NEK10: variants seen among roughly 807,000 people sequenced by gnomAD.
NEK10 encodes the protein NIMA related kinase 10.
A neutral mutation model predicts 159.8 loss-of-function variants in NEK10; 122 were observed. The observed-to-expected ratio is 0.76, with a 90% CI of 0.66 to 0.89. NEK10 has a LOEUF of 0.89. Among genes scored for constraint, NEK10 ranks in the 40% least tolerant of loss-of-function variants. The pLI, the probability that NEK10 is intolerant of heterozygous loss-of-function variation, is 0.00. For missense variants in NEK10, 1,342 were observed against 1,323.1 expected, an observed-to-expected ratio of 1.01 and a Z score of -0.22; for synonymous variants, 466 against 457.1, an observed-to-expected ratio of 1.02 and a Z score of -0.25.
intron 23 of NEK10, among the ~76,000 whole-genome samples, chr3:27,240,514 C>A (rs1290119998): frequency 6.6e-6 from 1 of 152,190 alleles, no homozygotes; most frequent in Non-Finnish European, 1.5e-5. Flanking sequence ...TGTATTCCTG[C>A]TCCTTAACAG....
At chr3:27,119,664 T>TA (rs887781167) in intron 33 of NEK10, 96 bp downstream of exon 33, 1,610 of 909,532 alleles carry the variant, frequency 1.8e-3, no homozygotes, top group South Asian at 2.3e-3. Context: ...AAGCTCTATT[T>TA]AAAAAAAAAT....
At chr3:27,210,623 G>A (rs1006711995) in intron 23 of NEK10, among the ~76,000 whole-genome samples, 6 of 152,106 alleles carry the variant, frequency 3.9e-5, no homozygotes, top group Non-Finnish European at 7.4e-5. Flanking sequence ...CTTCTGGATG[G>A]TATAAAACTT....
intron 23 of NEK10, among the ~76,000 whole-genome samples, chr3:27,207,627 T>C (rs1950636883): frequency 2.0e-5 from 3 of 152,114 alleles, no homozygotes; most frequent in South Asian, 4.1e-4. Context: ...TTTGCTTCAC[T>C]AGGTAAAGAG....
Position 27,344,349 on chromosome 3 carries a change from T to C in NEK10, c.285A>G (p.Arg95=), listed in dbSNP as rs776409506. 1.3e-6 allele frequency: 2 copies of C among 1,581,852 alleles called. No homozygotes were observed. Among genetic ancestry groups the C allele is most frequent in the African/African-American group, 2.7e-5 (2 of 74,604 alleles). Residue 95 remains arginine (R), a synonymous_variant, in exon 5 of 36, where the codon AGA becomes AGG. Coordinates refer to ENST00000691995, the MANE Select transcript of NEK10 (RefSeq NM_001394966.1). ...ENFSINYKNE[R]NFSKHPQRKL... ...TACGCTGAGGATGTTTGCTGAAATT[T>C]CTCTCATTCTTGTAGTTTATACTGA...
intron 29 of NEK10, among the ~76,000 whole-genome samples, chr3:27,167,349 A>G (rs969953172): frequency 6.6e-6 from 1 of 152,196 alleles, no homozygotes; most frequent in Non-Finnish European, 1.5e-5. Context: ...TGGAGAATGC[A>G]AAGATGAATT....
At chr3:27,260,886 C>A (rs1424931685) in intron 22 of NEK10, among the ~76,000 whole-genome samples, 1 of 152,078 alleles carries the variant, frequency 6.6e-6, no homozygotes, top group Non-Finnish European at 1.5e-5. Context: ...TTGATTATTG[C>A]CTCAATTTCA....
intron 3 of NEK10, among the ~76,000 whole-genome samples, chr3:27,349,540 T>C (rs1057491288): frequency 6.6e-6 from 1 of 152,196 alleles, no homozygotes; most frequent in African/African-American, 2.4e-5. Flanking sequence ...ATACGTGTTC[T>C]TTCTACAGCA....
intron 22 of NEK10, among the ~76,000 whole-genome samples, chr3:27,267,716 C>T (rs1291097276): frequency 6.6e-6 from 1 of 152,152 alleles, no homozygotes; most frequent in Non-Finnish European, 1.5e-5. Context: ...TCCTTATCCC[C>T]CTAGACACAA....
chr3:27,307,482 T>G (rs2149573023), intron 11 of NEK10, among the ~76,000 whole-genome samples: 1 of 152,338 alleles, frequency 6.6e-6, no homozygotes, highest in East Asian at 1.9e-4. Context: ...CTTGCCTTCA[T>G]GCAAATGGAT....
chr3:27,191,917 T>C (rs559672411), intron 26 of NEK10, 112 bp downstream of exon 26: 12 of 796,586 alleles, frequency 1.5e-5, no homozygotes, highest in Admixed American at 4.4e-5. Context: ...TACTGCAATA[T>C]TGCATGTAAC....
chr3:27,202,648 T>A, intron 23 of NEK10, 91 bp from the exon 24 acceptor site: 1 of 1,364,602 alleles, frequency 7.3e-7, no homozygotes. Flanking sequence ...AGTTATTTTT[T>A]AAGTATCTGA....
chr3:27,238,430 G>T (rs1954184624), intron 23 of NEK10, among the ~76,000 whole-genome samples: 1 of 152,076 alleles, frequency 6.6e-6, no homozygotes, highest in South Asian at 2.1e-4. Context: ...TTTCTGCAGA[G>T]AATATACTGA....
intron 25 of NEK10, among the ~76,000 whole-genome samples, chr3:27,193,079 G>A (rs1375793119): frequency 6.6e-6 from 1 of 152,122 alleles, no homozygotes; most frequent in Non-Finnish European, 1.5e-5. Context: ...GTTTGAACGA[G>A]GTAATCTCTG....
intron 14 of NEK10, among the ~76,000 whole-genome samples, chr3:27,296,527 C>A (rs2043365762): frequency 6.6e-6 from 1 of 152,092 alleles, no homozygotes. Context: ...ATGTACGGAT[C>A]TTGAAGTTGG....
intron 22 of NEK10, among the ~76,000 whole-genome samples, chr3:27,266,494 C>T (rs564395265): frequency 2.0e-5 from 3 of 152,326 alleles, no homozygotes; most frequent in Admixed American, 2.0e-4. Context: ...AAAACTTTCA[C>T]TTAAGTGTCT....
At chr3:27,309,061 T>C (rs1050661138) in intron 9 of NEK10, 56 bp from the exon 10 acceptor site, 3 of 862,096 alleles carry the variant, frequency 3.5e-6, no homozygotes, top group Non-Finnish European at 5.6e-6. Flanking sequence ...GCTTCTTTTT[T>C]CAACATTAAC....
chr3:27,266,841 T>C (rs1004944053), intron 22 of NEK10, among the ~76,000 whole-genome samples: 3 of 152,226 alleles, frequency 2.0e-5, no homozygotes, highest in Non-Finnish European at 4.4e-5. Context: ...CTTGCTCCTG[T>C]AGCACTTGTG....
chr3:27,111,385 T>C, intron 35 of NEK10, 65 bp from the exon 36 acceptor site: 1 of 1,263,842 alleles, frequency 7.9e-7, no homozygotes, highest in Non-Finnish European at 1.1e-6. Flanking sequence ...TACATTCAAT[T>C]TCAAAAACTG....
chr3:27,194,551 CCCCACTCCACTCT>C (rs1340191657), intron 25 of NEK10: 1 of 152,132 alleles, frequency 6.6e-6, no homozygotes, highest in African/African-American at 2.4e-5. Context: ...TCCACTTTGT[CCCCACTCCACTCT>C]GAAAGGCCAG....
Sources: allele counts gnomAD v4.1 joint callset (sites outside exome capture counted in the v4.1 genomes callset), GRCh38; gene constraint gnomAD v4.1.1; transcripts MANE v1.5; gene names NCBI Gene and HGNC (gene_info 2026-07-23, HGNC 2026-07-21).